Variants in TEX2 observed in about 807,000 individuals in gnomAD.
The protein encoded by TEX2 is testis expressed 2.
In TEX2, 53 loss-of-function variants were observed where a neutral mutation model predicts 106.9. The observed-to-expected ratio is 0.50, with a 90% CI of 0.40 to 0.62. TEX2 has a LOEUF of 0.62. TEX2 is among the 20% of genes least tolerant of loss of function. TEX2 has a pLI of 0.00. For missense variants in TEX2, 1,207 were observed against 1,379.0 expected (o/e 0.88, Z 1.98); for synonymous variants, 523 against 534.8 (o/e 0.98, Z 0.30).
intron 1 of TEX2, among the ~76,000 whole-genome samples, chr17:64,246,213 A>G (rs1244789435): frequency 1.3e-5 from 2 of 152,212 alleles, no homozygotes; most frequent in African/African-American, 4.8e-5. Context: ...AATTTCTGCT[A>G]ACAGGGATCT....
Position 64,167,019 on chromosome 17 carries a change from G to A in TEX2, c.2671+4081C>T, listed in dbSNP as rs78676776. Among the ~76,000 whole-genome samples, 339 of 152,296 alleles carry A rather than the reference G, an allele frequency of 2.2e-3. 2 individuals carry two copies. Among genetic ancestry groups the A allele is most frequent in the African/African-American group, 7.8e-3 (323 of 41,558 alleles). On this transcript the variant is annotated intron_variant, in intron 7 of 11. Transcript: ENST00000584379. ...TCCAGGGTGTGTGTGGAGTGAGGAG[G>A]CGTCAGAGCTGAGGCAGGAGGAGCA...
chr17:64,147,898 T>C lies in TEX2; in HGVS notation c.*1071A>G, dbSNP rs893109254. Reference sequence around the variant, plus strand: ...AAAAAAATGGTATTAGGTTTACTTCTCGAAGCAAAGAGAGCCCCCAACCTT... The same window carrying C: ...AAAAAAATGGTATTAGGTTTACTTCCCGAAGCAAAGAGAGCCCCCAACCTT... On this transcript the variant is annotated 3_prime_UTR_variant, in exon 12 of 12. Coordinates refer to ENST00000584379, the MANE Select transcript of TEX2 (RefSeq NM_001288732.2). The C allele has an allele frequency of 2.0e-5, 3 of 152,656 alleles. No homozygotes were observed. The highest frequency in any genetic ancestry group is 4.8e-5 in the African/African-American group (2 of 41,458). 9.5% of individuals were successfully genotyped at this position (152,656 alleles called of 1,614,324 possible).
chr17:64,168,646 T>A (rs1400443636), intron 7 of TEX2, among the ~76,000 whole-genome samples: 1 of 152,162 alleles, frequency 6.6e-6, no homozygotes, highest in Admixed American at 6.5e-5. Context: ...TTTCTACAAA[T>A]TCAGCAAAGG....
At chr17:64,241,346 A>C (rs900995027) in intron 1 of TEX2, among the ~76,000 whole-genome samples, 2 of 152,238 alleles carry the variant, frequency 1.3e-5, no homozygotes, top group Admixed American at 6.5e-5. Flanking sequence ...TTCTTGCCGC[A>C]GGAAAACTGA....
intron 1 of TEX2, among the ~76,000 whole-genome samples, chr17:64,256,393 C>A (rs2034184916): frequency 6.6e-6 from 1 of 152,194 alleles, no homozygotes; most frequent in Non-Finnish European, 1.5e-5. Context: ...AGCTTCTGCT[C>A]TCCCTGCTAC....
intron 5 of TEX2, among the ~76,000 whole-genome samples, chr17:64,179,624 C>T (rs1371437014): frequency 2.6e-5 from 4 of 152,184 alleles, no homozygotes; most frequent in Admixed American, 1.3e-4. Flanking sequence ...ACATACATTG[C>T]CACAGCCTGT....
intron 1 of TEX2, chr17:64,230,856 A>G (rs2143308143): frequency 6.6e-6 from 1 of 152,370 alleles, no homozygotes; most frequent in South Asian, 2.1e-4. Flanking sequence ...TTTTGTAACA[A>G]GAGAAATTCT....
At chr17:64,261,795 A>G (rs1280551531) in intron 1 of TEX2, among the ~76,000 whole-genome samples, 3 of 152,236 alleles carry the variant, frequency 2.0e-5, no homozygotes, top group African/African-American at 7.2e-5. Flanking sequence ...CTTGTTTACC[A>G]TAACTTTAGA....
chr17:64,153,863 T>C lies in TEX2; in HGVS notation c.2931-709A>G, dbSNP rs545657152. Among the ~76,000 whole-genome samples the C allele has an allele frequency of 3.0e-4, 46 of 151,858 alleles. No individual in the cohort carries two copies. Among genetic ancestry groups the C allele is most frequent in the Non-Finnish European group, 5.4e-4 (37 of 67,932 alleles). On this transcript the variant is annotated intron_variant, in intron 9 of 11. Coordinates refer to ENST00000584379, the MANE Select transcript of TEX2 (RefSeq NM_001288732.2). The surrounding 1 kb of genome is among the most constrained non-coding windows in gnomAD (Gnocchi z 4.1). ...GGGAGGATCACTTGAGCCCAGGAGG[T>C]TGAGGCTGCATTGAGCTATGATCGT...
chr17:64,245,544 A>C (rs889887730), intron 1 of TEX2, among the ~76,000 whole-genome samples: 11 of 152,222 alleles, frequency 7.2e-5, no homozygotes, highest in African/African-American at 2.2e-4. Context: ...AAAATCGAGG[A>C]TTGAACAATG....
intron 1 of TEX2, among the ~76,000 whole-genome samples, chr17:64,259,340 T>C (rs1014756010): frequency 2.0e-5 from 3 of 152,210 alleles, no homozygotes; most frequent in Admixed American, 6.5e-5. Flanking sequence ...TTACGCATTA[T>C]AAAGAGTTTG....
At chr17:64,196,294 C>T (rs1293642444) in intron 2 of TEX2, among the ~76,000 whole-genome samples, 1 of 152,196 alleles carries the variant, frequency 6.6e-6, no homozygotes, top group Non-Finnish European at 1.5e-5. Context: ...GGTCTTCATT[C>T]CCGTATCCTA....
In TEX2 at chr17:64,152,958, T is replaced by A; in HGVS notation, c.3127A>T (p.Thr1043Ser). Residue 1043 changes from threonine to serine, a missense_variant, in exon 10 of 12, where the codon ACT becomes TCT. Around this residue, in one of 3 missense-constraint regions of TEX2, gnomAD observed 63 missense variants for 112.2 expected, o/e 0.56. Transcript: ENST00000584379. ...TLAVNIPPPP[T>S]DRVWYGFRKP... Reference sequence around the variant, plus strand: ...CCCTCTACGCACCATACTCGGTCAGTCGGGGGTGGTGGAATGTTGACCGCC... The same window carrying A: ...CCCTCTACGCACCATACTCGGTCAGACGGGGGTGGTGGAATGTTGACCGCC... The A allele has an allele frequency of 6.2e-7, 1 of 1,614,106 alleles. No individual in the cohort carries two copies. The highest frequency in any genetic ancestry group is 8.5e-7 in the Non-Finnish European group (1 of 1,180,010).
intron 1 of TEX2, among the ~76,000 whole-genome samples, chr17:64,255,212 C>T (rs569593151): frequency 4.7e-4 from 72 of 152,172 alleles, no homozygotes; most frequent in African/African-American, 1.5e-3. Context: ...ACAGTTGCTA[C>T]TTAGTAAATA....
chr17:64,161,074 T>C, intron 7 of TEX2, 141 bp from the exon 8 acceptor site: 1 of 870,018 alleles, frequency 1.1e-6, no homozygotes, highest in Non-Finnish European at 1.7e-6. Flanking sequence ...AGAAGAGGAC[T>C]GAGAGCACAT....
chr17:64,206,016 T>G (rs2032816931), intron 2 of TEX2, among the ~76,000 whole-genome samples: 1 of 152,208 alleles, frequency 6.6e-6, no homozygotes, highest in Non-Finnish European at 1.5e-5. Flanking sequence ...AGGAAGCTTT[T>G]CATTATAAAC....
At chr17:64,152,865 C>T in intron 10 of TEX2, 80 bp downstream of exon 10, 1 of 1,453,540 alleles carries the variant, frequency 6.9e-7, no homozygotes, top group Non-Finnish European at 9.4e-7. Context: ...TTTCCATAAC[C>T]TCAAGGTTAA....
intron 5 of TEX2, among the ~76,000 whole-genome samples, chr17:64,184,133 C>G (rs778282112): frequency 6.6e-6 from 1 of 152,210 alleles, no homozygotes; most frequent in Non-Finnish European, 1.5e-5. Context: ...GGGTCTTGCT[C>G]TGTTGCTCAG....
chr17:64,262,614 T>C (rs142171454), intron 1 of TEX2, among the ~76,000 whole-genome samples: 91 of 152,298 alleles, frequency 6.0e-4, no homozygotes, highest in Non-Finnish European at 1.1e-3. Flanking sequence ...TTGTTAACCT[T>C]CCGATCCCCC....
Sources: gnomAD v4.1 joint callset for allele counts (sites outside exome capture counted in the v4.1 genomes callset) on GRCh38, gnomAD v4.1.1 for gene constraint, gnomAD v4.1.1 regional missense constraint, Gnocchi (gnomAD v3.1) non-coding constraint, MANE v1.5 for transcripts, NCBI Gene and HGNC (gene_info 2026-07-23, HGNC 2026-07-21) for gene names.